The following ROBO2 variants were observed in gnomAD, a reference collection of about 807,000 sequenced individuals.
The protein encoded by ROBO2 is roundabout homolog 2.
In ROBO2, 53 loss-of-function variants were observed where a neutral mutation model predicts 160.8. That is an observed-to-expected ratio of 0.33 (90% CI 0.26 to 0.41). ROBO2 has a LOEUF of 0.41. Among genes scored for constraint, ROBO2 ranks in the 10% least tolerant of loss-of-function variants. The probability of loss-of-function intolerance (pLI) is 1.00; values close to 1 mark genes in which losing one functional copy is unlikely to be tolerated. For missense variants in ROBO2, 1,577 were observed against 1,722.4 expected (o/e 0.92, Z 1.49); for synonymous variants, 664 against 611.7 (o/e 1.09, Z -1.26).
chr3:76,834,926 C>T (rs1049149768), intron 2 of ROBO2, among the ~76,000 whole-genome samples: 1 of 152,004 alleles, frequency 6.6e-6, no homozygotes, highest in Non-Finnish European at 1.5e-5. Context: ...TCCTGTGGAA[C>T]AAAGAGTGGA....
At chr3:76,211,167 G>T (rs956732841) in intron 2 of ROBO2, among the ~76,000 whole-genome samples, 2 of 151,952 alleles carry the variant, frequency 1.3e-5, no homozygotes, top group African/African-American at 2.4e-5. Flanking sequence ...TCTATAAAGC[G>T]CTTCAGGAGC....
At chr3:77,583,993 T>C (rs533153482) in intron 16 of ROBO2, among the ~76,000 whole-genome samples, 1 of 152,164 alleles carries the variant, frequency 6.6e-6, no homozygotes, top group Non-Finnish European at 1.5e-5. Context: ...CTTCCTAACA[T>C]GGTTTGGAAG....
At chr3:75,974,975 C>T (rs2065097430) in intron 2 of ROBO2, among the ~76,000 whole-genome samples, 1 of 151,272 alleles carries the variant, frequency 6.6e-6, no homozygotes, top group Non-Finnish European at 1.5e-5. Flanking sequence ...ATATTTTTAA[C>T]CTGTCCTCAA....
rs564682667 is a variant in ROBO2 at position 77,292,613 on chromosome 3, T to G, written c.389-184801T>G. 5.7e-5 allele frequency among the ~76,000 whole-genome samples: 8 copies of G among 141,434 alleles called. No individual in the cohort carries two copies. The Admixed American group carries it at 5.8e-4, about 10-fold the overall frequency. The allele number at this position is 141,434 out of a possible 152,430, so 92.8% of individuals were successfully genotyped here. ...AGGCCAGATCACCCCAGACATAAAG[T>G]AAAATTGATGGTTAAACAGGAAGTT... On this transcript the variant is annotated intron_variant, in intron 2 of 25. Transcript: ENST00000461745.
intron 2 of ROBO2, among the ~76,000 whole-genome samples, chr3:76,059,605 G>A (rs1316214652): frequency 6.6e-6 from 1 of 152,076 alleles, no homozygotes. Flanking sequence ...TAAGTTGCCT[G>A]TTCACTCTGA....
intron 2 of ROBO2, among the ~76,000 whole-genome samples, chr3:76,769,932 C>CT (rs2061788728): frequency 6.6e-6 from 1 of 151,428 alleles, no homozygotes; most frequent in Non-Finnish European, 1.5e-5. Context: ...TGCAGTCTCT[C>CT]TTAAATGACT....
intron 1 of ROBO2, among the ~76,000 whole-genome samples, chr3:77,049,915 T>C (rs1449182423): frequency 6.6e-6 from 1 of 152,194 alleles, no homozygotes; most frequent in Non-Finnish European, 1.5e-5. Flanking sequence ...ATAAGTGTGA[T>C]TCAAAAAGGG....
intron 23 of ROBO2, chr3:77,631,891 A>C (rs2095170484): frequency 6.6e-6 from 1 of 152,114 alleles, no homozygotes; most frequent in African/African-American, 2.4e-5. Context: ...CTTCTTTAAA[A>C]TACATTTTTT....
intron 2 of ROBO2, among the ~76,000 whole-genome samples, chr3:77,399,239 A>C (rs114831797): frequency 6.6e-6 from 1 of 152,218 alleles, no homozygotes; most frequent in Admixed American, 6.5e-5. Context: ...GTGAATGATA[A>C]AGAGAATTAA....
intron 2 of ROBO2, among the ~76,000 whole-genome samples, chr3:77,393,767 T>G (rs967218511): frequency 2.0e-5 from 3 of 151,810 alleles, no homozygotes; most frequent in Admixed American, 1.3e-4. Flanking sequence ...TTATTTGCTA[T>G]TCATATACTA....
At chr3:76,374,907 T>G (rs184104012) in intron 2 of ROBO2, among the ~76,000 whole-genome samples, 13 of 151,890 alleles carry the variant, frequency 8.6e-5, no homozygotes, top group Non-Finnish European at 1.6e-4. Flanking sequence ...TTTAGCATTC[T>G]TTTATCAGTG....
intron 2 of ROBO2, among the ~76,000 whole-genome samples, chr3:76,801,457 G>A (rs1324012056): frequency 6.6e-6 from 1 of 152,014 alleles, no homozygotes; most frequent in East Asian, 1.9e-4. Context: ...AAATGCTTGA[G>A]GTGTTGGATG....
In ROBO2 at chr3:76,854,906, A is replaced by G. The variant is rs1219741229; in HGVS notation, c.110-243108A>G. Among the ~76,000 whole-genome samples, 5 of 152,166 alleles carry G rather than the reference A, an allele frequency of 3.3e-5. No homozygotes were observed. The East Asian group carries it at 9.7e-4, about 29-fold the overall frequency. On this transcript the variant is annotated intron_variant, in intron 2 of 26. Coordinates refer to the ROBO2 transcript ENST00000487694. ...AGAAGGTAAGCCAAAAAATATCCGA[A>G]CCAAAAGAACCTAATTGTATATGAG...
intron 2 of ROBO2, among the ~76,000 whole-genome samples, chr3:76,834,035 C>CT (rs1441738389): frequency 8.1e-5 from 9 of 111,516 alleles, no homozygotes; most frequent in Admixed American, 2.0e-4. Context: ...TTCTTTCTTT[C>CT]TTTCCTTTCT....
chr3:77,055,837 A>G (rs1332199156), intron 1 of ROBO2, among the ~76,000 whole-genome samples: 1 of 152,212 alleles, frequency 6.6e-6, no homozygotes, highest in Non-Finnish European at 1.5e-5. Context: ...TAAAAGTAAA[A>G]TTAACCAAAA....
intron 2 of ROBO2, among the ~76,000 whole-genome samples, chr3:76,756,059 C>A (rs899307290): frequency 2.0e-5 from 3 of 151,688 alleles, no homozygotes; most frequent in Non-Finnish European, 4.4e-5. Context: ...AATTTTAATT[C>A]TTGTAATAAT....
intron 2 of ROBO2, among the ~76,000 whole-genome samples, chr3:76,989,585 T>TA (rs1286241884): frequency 6.6e-6 from 1 of 151,984 alleles, no homozygotes; most frequent in Non-Finnish European, 1.5e-5. Flanking sequence ...TTGAAAAAAA[T>TA]AAAAAGATAA....
intron 9 of ROBO2, among the ~76,000 whole-genome samples, chr3:77,561,406 T>G (rs1326409663): frequency 6.6e-6 from 1 of 152,164 alleles, no homozygotes; most frequent in Non-Finnish European, 1.5e-5. Flanking sequence ...TGAGAATGAA[T>G]GTTGTTTGCA....
chr3:77,100,363 AT>A (rs1408444164), intron 2 of ROBO2, among the ~76,000 whole-genome samples: 1 of 152,136 alleles, frequency 6.6e-6, no homozygotes, highest in Non-Finnish European at 1.5e-5. Context: ...AATAATATTC[AT>A]TTATATGTTG....
Sources: gnomAD v4.1 joint callset for allele counts (sites outside exome capture counted in the v4.1 genomes callset) on GRCh38, gnomAD v4.1.1 for gene constraint, MANE v1.5 for transcripts, NCBI Gene and HGNC (gene_info 2026-07-23, HGNC 2026-07-21) for gene names.